Variants in DPP4 observed in about 807,000 individuals in gnomAD.
DPP4 encodes dipeptidyl peptidase 4.
Under a neutral mutation model 122.4 loss-of-function variants are expected in DPP4, and 93 were observed. The observed-to-expected ratio is 0.76, with a 90% confidence interval of 0.64 to 0.90. The LOEUF (loss-of-function observed/expected upper bound fraction) is 0.90, where lower values mean the gene tolerates loss of function less well. Among genes scored for constraint, DPP4 ranks in the 40% least tolerant of loss-of-function variants. The probability of loss-of-function intolerance (pLI) is 0.00; values close to 1 mark genes in which losing one functional copy is unlikely to be tolerated. For missense variants in DPP4, 914 were observed against 907.3 expected (o/e 1.01, Z -0.09); for synonymous variants, 321 against 302.9 (o/e 1.06, Z -0.62).
chr2:162,008,434 A>G (rs1474360112), intron 22 of DPP4, 128 bp downstream of exon 22: 1 of 729,002 alleles, frequency 1.4e-6, no homozygotes, highest in East Asian at 2.6e-5. Context: ...GTATCCAAAA[A>G]GAACCTCTAA....
At position 162,074,068 on chromosome 2, in the gene DPP4, C is replaced by A; in HGVS notation, c.-87G>T. 1 of 1,536,526 alleles carries A rather than the reference C, an allele frequency of 6.5e-7. No homozygotes were observed. The highest frequency in any genetic ancestry group is 8.7e-7 in the Non-Finnish European group (1 of 1,142,988). ...CGGCGGAGACGCGCGTCCTGCACCG[C>A]TGCTCCGGGCGGTGGAGTCACTCGC... On this transcript the variant is annotated 5_prime_UTR_variant, in exon 1 of 26. Transcript: ENST00000360534.
chr2:162,056,412 T>C (rs1254328164), intron 2 of DPP4, among the ~76,000 whole-genome samples: 1 of 152,076 alleles, frequency 6.6e-6, no homozygotes, highest in Admixed American at 6.5e-5. Context: ...CCAAGTACAA[T>C]ATGTGAACTC....
chr2:162,064,956 G>T (rs777967168), intron 2 of DPP4, among the ~76,000 whole-genome samples: 2 of 152,202 alleles, frequency 1.3e-5, no homozygotes, highest in African/African-American at 2.4e-5. Flanking sequence ...TCTTTCTAAC[G>T]TAATGAAAAG....
chr2:162,004,765 A>T (rs1322066908), intron 23 of DPP4, among the ~76,000 whole-genome samples: 1 of 152,262 alleles, frequency 6.6e-6, no homozygotes, highest in Non-Finnish European at 1.5e-5. Flanking sequence ...TTACAAAAAC[A>T]TATGGATATT....
intron 19 of DPP4, 135 bp from the exon 20 acceptor site, chr2:162,012,122 T>G: frequency 1.4e-6 from 1 of 740,442 alleles, no homozygotes; most frequent in South Asian, 2.2e-5. Context: ...CTATGGGGTG[T>G]CCAGAATGAG....
intron 20 of DPP4, among the ~76,000 whole-genome samples, chr2:162,010,219 A>T (rs962355625): frequency 6.6e-6 from 1 of 152,216 alleles, no homozygotes; most frequent in East Asian, 1.9e-4. Context: ...CAGATCATTC[A>T]TGTATAATTT....
At position 162,020,746 on chromosome 2, in the gene DPP4, A is replaced by G. The variant is rs1683096105; in HGVS notation, c.1069-58T>C. 5 of 1,332,148 alleles carry G rather than the reference A, an allele frequency of 3.8e-6. No individual in the cohort carries two copies. In the Admixed American group the frequency reaches 6.8e-5, roughly 18 times the overall value. The allele number at this position is 1,332,148 out of a possible 1,614,324, so 82.5% of individuals were successfully genotyped here. On this transcript the variant is annotated intron_variant, in intron 12 of 25. Transcript: ENST00000360534. ...AGCACAGTGTCTCATCTCAGTACCA[A>G]CTTTAGTTTTAGAAAGTCCTGTCCA...
In DPP4 at chr2:162,035,221, G is replaced by A; in HGVS notation, c.717C>T (p.Ser239=). The A allele has an allele frequency of 6.2e-7, 1 of 1,614,020 alleles. No homozygotes were observed. Among genetic ancestry groups the A allele is most frequent in the Non-Finnish European group, 8.5e-7 (1 of 1,179,966 alleles). The change falls in exon 9 of 26, where the codon TCC becomes TCT. Residue 239 remains serine (S), a synonymous_variant. Transcript: ENST00000360534. ...NDTEVPLIEY[S]FYSDESLQYP... ...ACTGCAGTGACTCATCAGAGTAGAA[G>A]GAGTATTCAATAAGTGGGACTTCTG...
At chr2:162,006,793 C>T (rs1559706171) in intron 22 of DPP4, among the ~76,000 whole-genome samples, 4 of 152,022 alleles carry the variant, frequency 2.6e-5, no homozygotes, top group Admixed American at 2.0e-4. Flanking sequence ...AAAACTGCCT[C>T]CTTAAGTGAC....
chr2:162,053,683 C>A (rs1409847565), intron 2 of DPP4, among the ~76,000 whole-genome samples: 1 of 152,220 alleles, frequency 6.6e-6, no homozygotes, highest in Non-Finnish European at 1.5e-5. Flanking sequence ...ATGACTCAAG[C>A]AGGCTCAGCT....
intron 19 of DPP4, among the ~76,000 whole-genome samples, chr2:162,014,033 G>A (rs918089525): frequency 1.3e-4 from 20 of 152,180 alleles, no homozygotes; most frequent in Admixed American, 6.5e-4. Flanking sequence ...GCCAGTGGGA[G>A]CTGGGGTAAG....
intron 2 of DPP4, among the ~76,000 whole-genome samples, chr2:162,051,873 C>T (rs1684395106): frequency 6.6e-6 from 1 of 152,216 alleles, no homozygotes; most frequent in Admixed American, 6.5e-5. Flanking sequence ...AAACCAGGTC[C>T]ATTTCTTGCC....
intron 10 of DPP4, among the ~76,000 whole-genome samples, chr2:162,026,824 T>G (rs1229300458): frequency 6.6e-6 from 1 of 152,202 alleles, no homozygotes; most frequent in Non-Finnish European, 1.5e-5. Flanking sequence ...AATGGAAGTA[T>G]GAAAAGCACA....
rs766812304 is a variant in DPP4 at position 162,020,229 on chromosome 2, A to G, written c.1244T>C (p.Leu415Pro). Residue 415 changes from leucine (L) to proline (P), a missense_variant and splice_region_variant, in exon 14 of 26, where the codon CTA (leucine) becomes CCA (proline). By Grantham distance (98) the Leu-to-Pro change is moderately conservative. Coordinates refer to ENST00000360534, the MANE Select transcript of DPP4 (RefSeq NM_001935.4). Reference sequence around the variant, plus strand: ...TCCTATCAATTGTTACAATACTCACAGATAATCACTGGTTAGAGCTTCTAT... The same window carrying G: ...TCCTATCAATTGTTACAATACTCACGGATAATCACTGGTTAGAGCTTCTAT... Reference protein sequence around the residue: ...IGIEALTSDYLYYISNEYKGM... With the variant: ...IGIEALTSDYPYYISNEYKGM... 2 of 1,611,666 alleles carry G rather than the reference A, an allele frequency of 1.2e-6. No individual in the cohort carries two copies. The highest frequency in any genetic ancestry group is 1.1e-5 in the South Asian group (1 of 90,734).
At chr2:162,037,929 T>G (rs1193089825) in intron 8 of DPP4, among the ~76,000 whole-genome samples, 1 of 152,192 alleles carries the variant, frequency 6.6e-6, no homozygotes, top group African/African-American at 2.4e-5. Context: ...CTCAATGTGA[T>G]GGGATTATTT....
intron 2 of DPP4, among the ~76,000 whole-genome samples, chr2:162,050,049 A>G (rs1352959201): frequency 2.0e-5 from 3 of 152,200 alleles, no homozygotes; most frequent in African/African-American, 7.2e-5. Flanking sequence ...CAGTCCTTGA[A>G]TTTGCCAACC....
chr2:162,073,965 G>A lies in DPP4; in HGVS notation c.6+11C>T. On this transcript the variant is annotated intron_variant, in intron 1 of 25. Transcript: ENST00000360534. Reference sequence around the variant, plus strand: ...AGCTCGCCCCGGGGACGTACGTGGCGCGGCACTCACCTTCATCGTCGGCGT... The same window carrying A: ...AGCTCGCCCCGGGGACGTACGTGGCACGGCACTCACCTTCATCGTCGGCGT... The A allele has an allele frequency of 6.2e-7, 1 of 1,611,996 alleles. No homozygotes were observed. Among genetic ancestry groups the A allele is most frequent in the Non-Finnish European group, 8.5e-7 (1 of 1,179,026 alleles).
chr2:162,040,213 T>C (rs1453468706), intron 5 of DPP4, among the ~76,000 whole-genome samples: 2 of 152,114 alleles, frequency 1.3e-5, no homozygotes, highest in Admixed American at 1.3e-4. Context: ...TGTTATTTAT[T>C]CAAATGAGTT....
chr2:162,067,345 T>A (rs1217625704), intron 2 of DPP4, among the ~76,000 whole-genome samples: 1 of 152,084 alleles, frequency 6.6e-6, no homozygotes, highest in Non-Finnish European at 1.5e-5. Flanking sequence ...TTTTAAGAAG[T>A]CAGGGAAGGG....
Sources: allele counts gnomAD v4.1 joint callset (sites outside exome capture counted in the v4.1 genomes callset), GRCh38; gene constraint gnomAD v4.1.1; transcripts MANE v1.5; gene names NCBI Gene and HGNC (gene_info 2026-07-23, HGNC 2026-07-21).